The following DPP10 variants were observed in gnomAD, a reference collection of about 807,000 sequenced individuals.
DPP10 encodes inactive dipeptidyl peptidase 10.
In DPP10, 33 loss-of-function variants were observed where a neutral mutation model predicts 120.9. That is an observed-to-expected ratio of 0.27 (90% CI 0.21 to 0.37). DPP10 has a LOEUF of 0.37. Ranked by LOEUF, DPP10 falls within the 10% of genes least tolerant of loss-of-function variation. The pLI is 1.00. For synonymous variants in DPP10, 337 were observed against 326.1 expected (o/e 1.03, Z -0.36); for missense variants, 816 against 942.8 (o/e 0.87, Z 1.76).
intron 2 of DPP10, among the ~76,000 whole-genome samples, chr2:115,339,577 G>C (rs978315603): frequency 6.6e-6 from 1 of 152,050 alleles, no homozygotes; most frequent in Non-Finnish European, 1.5e-5. Context: ...TCTTCAATGA[G>C]TGAAGAGTTA....
Position 114,442,788 on chromosome 2 carries a change from A to G in DPP10, c.10A>G (p.Thr4Ala). Residue 4 changes from threonine to alanine, a missense_variant, in exon 1 of 26, where the codon ACT (threonine) becomes GCT (alanine). Around this residue, in one of 3 missense-constraint regions of DPP10, gnomAD observed 182 missense variants for 207.4 expected, o/e 0.88. Transcript: ENST00000410059. MNQTASVSHHIKCQ... is the reference protein window; with the variant it reads MNQAASVSHHIKCQ... ...TCCAGGGTCCTGAAACATGAACCAA[A>G]CTGCCAGCGTGTCCCATCACATCAA... is the stretch of plus-strand genomic sequence containing the variant. 2 of 1,613,378 alleles carry G rather than the reference A, an allele frequency of 1.2e-6. No homozygotes were observed. Among genetic ancestry groups the G allele is most frequent in the Non-Finnish European group, 1.7e-6 (2 of 1,179,506 alleles).
chr2:114,659,964 T>C (rs1323974183), intron 1 of DPP10, among the ~76,000 whole-genome samples: 1 of 152,200 alleles, frequency 6.6e-6, no homozygotes, highest in East Asian at 1.9e-4. Flanking sequence ...TCTCTCACAG[T>C]CTTCAGAAAG....
chr2:115,608,916 A>G (rs1032866781), intron 5 of DPP10, among the ~76,000 whole-genome samples: 10 of 152,150 alleles, frequency 6.6e-5, no homozygotes, highest in South Asian at 4.1e-4. Context: ...ACTTAGGCAT[A>G]TAATATAAAA....
chr2:114,790,733 C>A (rs1395972507), intron 1 of DPP10, among the ~76,000 whole-genome samples: 1 of 152,116 alleles, frequency 6.6e-6, no homozygotes, highest in Non-Finnish European at 1.5e-5. Flanking sequence ...AAAGAACTTT[C>A]ACAAGGTACT....
intron 3 of DPP10, among the ~76,000 whole-genome samples, chr2:115,355,209 C>G (rs2064293035): frequency 1.3e-5 from 2 of 152,180 alleles, no homozygotes; most frequent in South Asian, 2.1e-4. Flanking sequence ...TCTCCACAGC[C>G]TCAGCAGCAT....
intron 5 of DPP10, among the ~76,000 whole-genome samples, chr2:115,605,715 CT>C (rs926890004): frequency 4.6e-5 from 7 of 151,910 alleles, no homozygotes; most frequent in Admixed American, 2.0e-4. Flanking sequence ...CTCTCTCTCT[CT>C]TTTTTTTCTC....
At chr2:114,977,940 T>C (rs1699855950) in intron 1 of DPP10, among the ~76,000 whole-genome samples, 1 of 152,186 alleles carries the variant, frequency 6.6e-6, no homozygotes, top group Non-Finnish European at 1.5e-5. Flanking sequence ...TGTGCTTTTT[T>C]GGTTTGCAAA....
intron 3 of DPP10, among the ~76,000 whole-genome samples, chr2:115,466,323 A>G (rs1558703682): frequency 6.6e-6 from 1 of 152,166 alleles, no homozygotes; most frequent in Non-Finnish European, 1.5e-5. Flanking sequence ...TTGGAGCATC[A>G]TGTAACATTT....
chr2:115,696,038 C>T, intron 7 of DPP10, among the ~76,000 whole-genome samples: 1 of 151,616 alleles, frequency 6.6e-6, no homozygotes. Flanking sequence ...GAAGATAAGA[C>T]AAGTGAAATG....
intron 1 of DPP10, among the ~76,000 whole-genome samples, chr2:114,987,628 G>T (rs1700482743): frequency 6.6e-6 from 1 of 152,066 alleles, no homozygotes; most frequent in East Asian, 1.9e-4. Flanking sequence ...AGGCTCTGAG[G>T]TTACTCTTAC....
chr2:115,566,490 T>G (rs1447075833), intron 5 of DPP10, among the ~76,000 whole-genome samples: 1 of 152,154 alleles, frequency 6.6e-6, no homozygotes, highest in Non-Finnish European at 1.5e-5. Flanking sequence ...ATCCTATGTC[T>G]TATAACATAT....
chr2:115,227,433 T>C (rs1230503837), intron 1 of DPP10, among the ~76,000 whole-genome samples: 1 of 152,204 alleles, frequency 6.6e-6, no homozygotes, highest in Non-Finnish European at 1.5e-5. Context: ...GTTGTCAACT[T>C]CATTGAAATG....
intron 1 of DPP10, among the ~76,000 whole-genome samples, chr2:115,167,973 A>G (rs1443552015): frequency 6.6e-6 from 1 of 152,194 alleles, no homozygotes; most frequent in Non-Finnish European, 1.5e-5. Context: ...CAAGGTAATC[A>G]GCATGAGAAA....
intron 1 of DPP10, among the ~76,000 whole-genome samples, chr2:115,275,530 T>G (rs2059876427): frequency 6.6e-6 from 1 of 152,066 alleles, no homozygotes; most frequent in Non-Finnish European, 1.5e-5. Context: ...TTTTCCAAGT[T>G]CACATACTAA....
intron 1 of DPP10, among the ~76,000 whole-genome samples, chr2:115,015,985 A>G (rs989137353): frequency 1.3e-5 from 2 of 152,198 alleles, no homozygotes; most frequent in Non-Finnish European, 2.9e-5. Context: ...ATTTCATAGA[A>G]TTAGAAAAAA....
At chr2:115,658,985 G>A (rs921748852) in intron 5 of DPP10, among the ~76,000 whole-genome samples, 2 of 152,076 alleles carry the variant, frequency 1.3e-5, no homozygotes, top group African/African-American at 2.4e-5. Context: ...TAATCCCGAA[G>A]CACCAGTGTT....
At chr2:114,797,672 TAA>T (rs1683830609) in intron 1 of DPP10, among the ~76,000 whole-genome samples, 1 of 152,208 alleles carries the variant, frequency 6.6e-6, no homozygotes, top group Non-Finnish European at 1.5e-5. Context: ...CATACTGATG[TAA>T]AGAAATGACT....
intron 19 of DPP10, among the ~76,000 whole-genome samples, chr2:115,792,134 G>C (rs978703566): frequency 6.6e-6 from 1 of 152,000 alleles, no homozygotes; most frequent in African/African-American, 2.4e-5. Flanking sequence ...CTGTGGAATC[G>C]GATTTCCTGG....
chr2:115,021,963 C>T (rs1286798096), intron 1 of DPP10, among the ~76,000 whole-genome samples: 1 of 151,954 alleles, frequency 6.6e-6, no homozygotes, highest in Non-Finnish European at 1.5e-5. Context: ...CCAGCATCCA[C>T]TTATGATTAA....
Sources: gnomAD v4.1 joint callset for allele counts (sites outside exome capture counted in the v4.1 genomes callset) on GRCh38, gnomAD v4.1.1 for gene constraint, gnomAD v4.1.1 regional missense constraint, MANE v1.5 for transcripts, NCBI Gene and HGNC (gene_info 2026-07-23, HGNC 2026-07-21) for gene names.